Variants in SEC14L1 observed in about 807,000 individuals in gnomAD.
SEC14L1 encodes SEC14-like protein 1.
Under a neutral mutation model 85.3 loss-of-function variants are expected in SEC14L1, and 48 were observed. The ratio of observed to expected loss-of-function variants is 0.56; its 90% CI spans 0.45 to 0.72. The LOEUF is 0.72. Ranked by LOEUF, SEC14L1 falls within the 30% of genes least tolerant of loss-of-function variation. The probability of loss-of-function intolerance (pLI) is 0.00; values close to 1 mark genes in which losing one functional copy is unlikely to be tolerated. For missense variants in SEC14L1, 682 were observed against 921.4 expected (o/e 0.74, Z 3.36); for synonymous variants, 391 against 355.5 (o/e 1.10, Z -1.12).
At chr17:77,171,304 G>T (rs750918190) in intron 3 of SEC14L1, among the ~76,000 whole-genome samples, 1 of 152,130 alleles carries the variant, frequency 6.6e-6, no homozygotes, top group East Asian at 1.9e-4. Flanking sequence ...GGTAATATTC[G>T]TTTTTCTTCT....
chr17:77,140,387 A>G (rs911549596), upstream of SEC14L1, among the ~76,000 whole-genome samples: 1 of 152,200 alleles, frequency 6.6e-6, no homozygotes, highest in Non-Finnish European at 1.5e-5. Context: ...GCCGCGCAGC[A>G]CCGGCGTCCG....
intron 3 of SEC14L1, among the ~76,000 whole-genome samples, chr17:77,124,338 A>G (rs1307399755): frequency 2.6e-5 from 4 of 152,154 alleles, no homozygotes; most frequent in Non-Finnish European, 1.5e-5. Flanking sequence ...CATTCCAGCC[A>G]GGGTGACAAA....
chr17:77,187,245 ACATCTAT>A (rs1294245126), intron 3 of SEC14L1, among the ~76,000 whole-genome samples: 1 of 152,142 alleles, frequency 6.6e-6, no homozygotes, highest in Non-Finnish European at 1.5e-5. Flanking sequence ...CAGAGGGGTG[ACATCTAT>A]CAGTCAAGCA....
intron 3 of SEC14L1, among the ~76,000 whole-genome samples, chr17:77,131,331 G>A (rs530228431): frequency 2.0e-5 from 3 of 152,184 alleles, no homozygotes; most frequent in South Asian, 4.1e-4. Flanking sequence ...GTGCAATGGC[G>A]CGGTCTTGGC....
chr17:77,191,025 G>A lies in SEC14L1; in HGVS notation c.213+73G>A, dbSNP rs143694415. The stretch of plus-strand genomic sequence containing the variant: ...AGAGGGCGTCCTGGTGGGAGAGGGC[G>A]TCCTGGAGGGAGAGGGCATCCTGGA... On this transcript the variant is annotated intron_variant, in intron 4 of 16. Coordinates refer to ENST00000436233, the MANE Select transcript of SEC14L1 (RefSeq NM_001143998.2). 7.0e-6 allele frequency: 11 copies of A among 1,567,010 alleles called. No individual in the cohort carries two copies. In the Admixed American group the frequency reaches 8.7e-5, roughly 12 times the overall value.
intron 3 of SEC14L1, among the ~76,000 whole-genome samples, chr17:77,109,931 T>C (rs1399683568): frequency 2.0e-5 from 3 of 152,206 alleles, no homozygotes; most frequent in African/African-American, 7.2e-5. Flanking sequence ...TCATAATTCA[T>C]CATAATTTGT....
chr17:77,102,965 G>T (rs1477459373), intron 3 of SEC14L1, among the ~76,000 whole-genome samples: 3 of 151,886 alleles, frequency 2.0e-5, no homozygotes, highest in Admixed American at 6.6e-5. Context: ...CACCATGCCT[G>T]GCTAATTGTT....
intron 3 of SEC14L1, among the ~76,000 whole-genome samples, chr17:77,172,127 C>T (rs1974546597): frequency 6.6e-6 from 1 of 151,980 alleles, no homozygotes; most frequent in Non-Finnish European, 1.5e-5. Context: ...GAACAAGTTA[C>T]ACCAGGGGGA....
At chr17:77,172,478 G>C (rs1373127140) in intron 3 of SEC14L1, among the ~76,000 whole-genome samples, 1 of 152,032 alleles carries the variant, frequency 6.6e-6, no homozygotes, top group Non-Finnish European at 1.5e-5. Context: ...TATAGGTTTT[G>C]GCCCCTGAGT....
At chr17:77,118,282 G>A (rs749866833) in intron 3 of SEC14L1, among the ~76,000 whole-genome samples, 3 of 152,220 alleles carry the variant, frequency 2.0e-5, no homozygotes, top group Admixed American at 1.3e-4. Context: ...CGTTGTCTCC[G>A]TCCTCCTTGA....
chr17:77,191,007 G>T, intron 4 of SEC14L1, 55 bp downstream of exon 4: 2 of 1,598,076 alleles, frequency 1.3e-6, no homozygotes, highest in Non-Finnish European at 8.5e-7. Context: ...GGGAGAGGGC[G>T]TCCTGGTGGG....
intron 3 of SEC14L1, among the ~76,000 whole-genome samples, chr17:77,154,658 A>G (rs1232506255): frequency 7.4e-6 from 1 of 134,666 alleles, no homozygotes; most frequent in Non-Finnish European, 1.6e-5. Flanking sequence ...GTTTTTTTTT[A>G]AGAAAAGTCT....
intron 9 of SEC14L1, among the ~76,000 whole-genome samples, chr17:77,202,214 A>G (rs1238872247): frequency 6.6e-6 from 1 of 152,206 alleles, no homozygotes; most frequent in African/African-American, 2.4e-5. Context: ...GGCCAGGCCC[A>G]GTGGCTCATG....
chr17:77,213,802 T>G lies in SEC14L1; in HGVS notation c.2043-116T>G. The G allele has an allele frequency of 2.3e-6, 3 of 1,304,292 alleles. No homozygotes were observed. Among genetic ancestry groups the G allele is most frequent in the Non-Finnish European group, 3.3e-6 (3 of 906,882 alleles). 80.8% of individuals were successfully genotyped at this position (1,304,292 alleles called of 1,614,324 possible). A position where few individuals can be genotyped will look rare whatever the true frequency, so the allele number is the denominator to read the frequency against. On this transcript the variant is annotated intron_variant, in intron 16 of 16. Transcript: ENST00000436233. The surrounding 1 kb of genome is among the most constrained non-coding windows in gnomAD (Gnocchi z 7.1). ...TCCATCCCCCGTTTGCAAGCACTGA[T>G]GGGGATGAGAAGTGAGCAGAGAACA...
intron 3 of SEC14L1, among the ~76,000 whole-genome samples, chr17:77,107,260 C>A (rs1182148545): frequency 1.3e-5 from 2 of 152,176 alleles, no homozygotes; most frequent in South Asian, 4.1e-4. Flanking sequence ...CTCCAGGCAC[C>A]AGGCTCTGGG....
At chr17:77,205,487 C>A in intron 11 of SEC14L1, 141 bp downstream of exon 11, 1 of 750,172 alleles carries the variant, frequency 1.3e-6, no homozygotes, top group Admixed American at 2.3e-5. Flanking sequence ...TGTAATATGC[C>A]AGTGACGAGG....
At chr17:77,118,748 C>T (rs943584261) in intron 3 of SEC14L1, among the ~76,000 whole-genome samples, 11 of 152,200 alleles carry the variant, frequency 7.2e-5, no homozygotes, top group Admixed American at 6.5e-4. Context: ...TGCATGCAGG[C>T]GGTGCACCTA....
rs1240927369 is a variant in SEC14L1 at position 77,101,182 on chromosome 17, C to CT, written c.-136+7847dup. 5.2e-3 allele frequency among the ~76,000 whole-genome samples: 762 copies of CT among 146,100 alleles called. 11 individuals are homozygous for CT. Among genetic ancestry groups the CT allele is most frequent in the African/African-American group, 0.015 (596 of 40,120 alleles). Reference sequence around the variant, plus strand: ...TTAGTGTTAAGCATATAGTCCCTCTCTTTTTTTTTTTTGAGACAGAGTCTC... The same window carrying CT: ...TTAGTGTTAAGCATATAGTCCCTCTCTTTTTTTTTTTTTGAGACAGAGTCTC... On this transcript the variant is annotated intron_variant, in intron 3 of 19. Coordinates refer to the SEC14L1 transcript ENST00000392476.
chr17:77,196,126 T>C (rs1247425570), intron 7 of SEC14L1, 76 bp from the exon 8 acceptor site: 2 of 1,144,644 alleles, frequency 1.7e-6, no homozygotes, highest in East Asian at 2.3e-5. Context: ...ACACGTTAAC[T>C]CCACTGAGCA....
Sources: allele counts gnomAD v4.1 joint callset (sites outside exome capture counted in the v4.1 genomes callset), GRCh38; gene constraint gnomAD v4.1.1; non-coding constraint Gnocchi (gnomAD v3.1); transcripts MANE v1.5; gene names NCBI Gene and HGNC (gene_info 2026-07-23, HGNC 2026-07-21).